The following EFCAB7 variants were observed in gnomAD, a reference collection of about 807,000 sequenced individuals.
EFCAB7 encodes EF-hand calcium binding domain 7, also known as EF-hand calcium-binding domain-containing protein 7.
A neutral mutation model predicts 77.1 loss-of-function variants in EFCAB7; 66 were observed. The ratio of observed to expected loss-of-function variants is 0.86; its 90% confidence interval spans 0.70 to 1.05. The LOEUF is 1.05. Ranked by LOEUF, EFCAB7 falls within the 50% of genes least tolerant of loss-of-function variation. The pLI is 0.00. For synonymous variants in EFCAB7, 225 were observed against 243.3 expected (o/e 0.92, Z 0.70); for missense variants, 638 against 730.5 (o/e 0.87, Z 1.46).
chr1:63,531,036 G>GTAATA (rs1646686122), intron 2 of EFCAB7, among the ~76,000 whole-genome samples: 1 of 151,986 alleles, frequency 6.6e-6, no homozygotes, highest in South Asian at 2.1e-4. Context: ...TAGCTGTTTT[G>GTAATA]TAATATACAG....
At chr1:63,574,531 C>T (rs142331550), downstream of EFCAB7, among the ~76,000 whole-genome samples, 526 of 152,252 alleles carry the variant, frequency 3.5e-3, 3 homozygotes, top group African/African-American at 0.011. Context: ...GCTATCTTAT[C>T]AGCATAAGCA....
At chr1:63,561,429 A>T (rs1206948278) in intron 10 of EFCAB7, among the ~76,000 whole-genome samples, 1 of 152,196 alleles carries the variant, frequency 6.6e-6, no homozygotes, top group Non-Finnish European at 1.5e-5. Context: ...GAAATATTAC[A>T]GTTTCCTCTA....
At chr1:63,565,210 T>C (rs1165383948) in intron 11 of EFCAB7, among the ~76,000 whole-genome samples, 1 of 151,936 alleles carries the variant, frequency 6.6e-6, no homozygotes, top group East Asian at 1.9e-4. Context: ...ATACAAAAAA[T>C]TAGCTGGGCA....
intron 8 of EFCAB7, among the ~76,000 whole-genome samples, chr1:63,554,559 C>G (rs1173440785): frequency 6.6e-6 from 1 of 152,202 alleles, no homozygotes; most frequent in Admixed American, 6.5e-5. Context: ...AGGCTGTTCT[C>G]AAACTCCTGA....
chr1:63,543,685 T>C (rs1464262939), intron 6 of EFCAB7, among the ~76,000 whole-genome samples: 1 of 152,182 alleles, frequency 6.6e-6, no homozygotes, highest in Non-Finnish European at 1.5e-5. Context: ...TGCAGTGATA[T>C]AATAAATCTT....
At chr1:63,526,569 A>T (rs1263083436) in intron 2 of EFCAB7, among the ~76,000 whole-genome samples, 3 of 152,234 alleles carry the variant, frequency 2.0e-5, no homozygotes, top group Non-Finnish European at 4.4e-5. Context: ...ACAAGAATTG[A>T]CAAGATTAAA....
At chr1:63,537,077 G>A (rs1044821710) in intron 6 of EFCAB7, among the ~76,000 whole-genome samples, 6 of 152,124 alleles carry the variant, frequency 3.9e-5, no homozygotes, top group African/African-American at 1.4e-4. Context: ...ATTACAAAAG[G>A]AAAATAAGAT....
At chr1:63,541,994 T>G (rs1646834829) in intron 6 of EFCAB7, among the ~76,000 whole-genome samples, 1 of 152,230 alleles carries the variant, frequency 6.6e-6, no homozygotes, top group Non-Finnish European at 1.5e-5. Context: ...TATACAGTTC[T>G]GTATCACTAA....
intron 2 of EFCAB7, among the ~76,000 whole-genome samples, chr1:63,526,683 T>C (rs1646595650): frequency 6.6e-6 from 1 of 152,272 alleles, no homozygotes; most frequent in South Asian, 2.1e-4. Flanking sequence ...TTACATAATT[T>C]TAAAATTACT....
At chr1:63,535,613 TTTTC>T (rs1646753528) in intron 6 of EFCAB7, among the ~76,000 whole-genome samples, 1 of 152,096 alleles carries the variant, frequency 6.6e-6, no homozygotes, top group South Asian at 2.1e-4. Flanking sequence ...AGAGTTTCAG[TTTTC>T]TTACCTATAA....
chr1:63,567,313 T>TGTG (rs1647182163), intron 11 of EFCAB7, among the ~76,000 whole-genome samples: 1 of 151,922 alleles, frequency 6.6e-6, no homozygotes, highest in Non-Finnish European at 1.5e-5. Context: ...CTTAGCTGGG[T>TGTG]GTGGTGGTGG....
At chr1:63,548,461 T>G (rs1646925680) in intron 7 of EFCAB7, 1 of 152,290 alleles carries the variant, frequency 6.6e-6, no homozygotes, top group South Asian at 2.1e-4. Flanking sequence ...TGCTGTTGCC[T>G]GGGTTTTTTT....
intron 8 of EFCAB7, among the ~76,000 whole-genome samples, chr1:63,552,387 G>C (rs542247576): frequency 4.7e-4 from 71 of 152,220 alleles, no homozygotes; most frequent in African/African-American, 1.7e-3. Context: ...AAAAAAGGTT[G>C]ATGCCAGTAC....
chr1:63,577,623 A>G (rs1332885092), downstream of EFCAB7, among the ~76,000 whole-genome samples: 1 of 152,258 alleles, frequency 6.6e-6, no homozygotes, highest in Non-Finnish European at 1.5e-5. Flanking sequence ...AGGGAATAGT[A>G]CACAGGGACA....
At chr1:63,566,612 A>G (rs1740397) in intron 11 of EFCAB7, among the ~76,000 whole-genome samples, 91,590 of 151,548 alleles carry the variant, frequency 0.6, 29,395 homozygotes, top group African/African-American at 0.82. Flanking sequence ...AAAACTGATA[A>G]TCATGACTTA....
chr1:63,527,501 T>A (rs746517825), intron 2 of EFCAB7, among the ~76,000 whole-genome samples: 1 of 102,866 alleles, frequency 9.7e-6, no homozygotes. Flanking sequence ...TTAAGTTCCT[T>A]TTTTGTCAAT....
chr1:63,555,211 G>T (rs896483947), intron 8 of EFCAB7, 147 bp from the exon 9 acceptor site: 1 of 855,216 alleles, frequency 1.2e-6, no homozygotes, highest in African/African-American at 1.7e-5. Context: ...CCTGTAAAAA[G>T]ACTGATAGGA....
intron 6 of EFCAB7, among the ~76,000 whole-genome samples, chr1:63,542,284 T>G (rs1187920365): frequency 1.3e-5 from 2 of 152,246 alleles, no homozygotes; most frequent in African/African-American, 4.8e-5. Context: ...TGCCAGAATT[T>G]TACTCCTTTT....
At chr1:63,531,043 A>G (rs1270610735) in intron 2 of EFCAB7, among the ~76,000 whole-genome samples, 1 of 152,020 alleles carries the variant, frequency 6.6e-6, no homozygotes, top group Non-Finnish European at 1.5e-5. Flanking sequence ...TTTGTAATAT[A>G]CAGTACCTTA....
Sources: allele counts gnomAD v4.1 joint callset (sites outside exome capture counted in the v4.1 genomes callset), GRCh38; gene constraint gnomAD v4.1.1; transcripts MANE v1.5; gene names NCBI Gene and HGNC (gene_info 2026-07-23, HGNC 2026-07-21).